Variants in UNC5D observed in about 807,000 individuals in gnomAD.
UNC5D encodes netrin receptor UNC5D.
In UNC5D, 39 loss-of-function variants were observed where a neutral mutation model predicts 105.4. The ratio of observed to expected loss-of-function variants is 0.37; its 90% confidence interval spans 0.29 to 0.48. UNC5D has a LOEUF of 0.48. UNC5D is among the 20% of genes least tolerant of loss of function. The probability of loss-of-function intolerance (pLI) is 0.98; values close to 1 mark genes in which losing one functional copy is unlikely to be tolerated. For missense variants in UNC5D, 991 were observed against 1,202.4 expected (o/e 0.82, Z 2.60); for synonymous variants, 452 against 450.4 (o/e 1.00, Z -0.04).
intron 4 of UNC5D, 108 bp downstream of exon 4, chr8:35,595,765 G>C (rs1819454149): frequency 7.6e-6 from 7 of 919,392 alleles, no homozygotes; most frequent in Non-Finnish European, 1.2e-5. Context: ...CCATGTCTGG[G>C]ATTCTTGTTG....
chr8:35,646,096 A>G (rs930542742), intron 4 of UNC5D, among the ~76,000 whole-genome samples: 12 of 152,154 alleles, frequency 7.9e-5, no homozygotes, highest in African/African-American at 2.7e-4. Flanking sequence ...CAATGTTTTT[A>G]TATAATGTAG....
At chr8:35,399,040 G>A (rs1182857717) in intron 1 of UNC5D, among the ~76,000 whole-genome samples, 3 of 150,884 alleles carry the variant, frequency 2.0e-5, no homozygotes, top group Admixed American at 2.0e-4. Flanking sequence ...AGCTACTTGG[G>A]AGGCTAAGGC....
At chr8:35,779,647 G>T (rs1802413564) in intron 16 of UNC5D, among the ~76,000 whole-genome samples, 1 of 152,056 alleles carries the variant, frequency 6.6e-6, no homozygotes, top group Non-Finnish European at 1.5e-5. Flanking sequence ...GCAGAGATGG[G>T]GTTTCACCAT....
intron 4 of UNC5D, among the ~76,000 whole-genome samples, chr8:35,611,744 A>G (rs574350537): frequency 2.4e-4 from 36 of 152,320 alleles, no homozygotes; most frequent in Non-Finnish European, 4.3e-4. Context: ...AGCAACTTTA[A>G]TGTTTGACCC....
At chr8:35,494,035 C>T (rs1485723269) in intron 1 of UNC5D, among the ~76,000 whole-genome samples, 2 of 152,148 alleles carry the variant, frequency 1.3e-5, no homozygotes, top group African/African-American at 2.4e-5. Flanking sequence ...CTATTTAATA[C>T]AGTAGATCCC....
At chr8:35,753,936 G>T (rs1182929461) in intron 13 of UNC5D, among the ~76,000 whole-genome samples, 2 of 152,178 alleles carry the variant, frequency 1.3e-5, no homozygotes, top group African/African-American at 2.4e-5. Flanking sequence ...TTGCTTTCTG[G>T]ATTTTTACTT....
At chr8:35,276,470 C>T (rs1367404089) in intron 1 of UNC5D, among the ~76,000 whole-genome samples, 1 of 152,178 alleles carries the variant, frequency 6.6e-6, no homozygotes, top group Admixed American at 6.5e-5. Context: ...GAGCATTTGT[C>T]AGTGTACTTC....
At chr8:35,364,607 C>A (rs991394378) in intron 1 of UNC5D, among the ~76,000 whole-genome samples, 2 of 152,068 alleles carry the variant, frequency 1.3e-5, no homozygotes, top group Non-Finnish European at 2.9e-5. Flanking sequence ...TGGTTTCAGG[C>A]CTTCTCAGTG....
intron 4 of UNC5D, among the ~76,000 whole-genome samples, chr8:35,611,979 T>C (rs1436651244): frequency 6.6e-6 from 1 of 152,230 alleles, no homozygotes; most frequent in Admixed American, 6.5e-5. Flanking sequence ...TCGCTGTTAA[T>C]ACAGCCTGTA....
chr8:35,787,808 A>G (rs1256338566), intron 16 of UNC5D, among the ~76,000 whole-genome samples: 1 of 152,082 alleles, frequency 6.6e-6, no homozygotes, highest in African/African-American at 2.4e-5. Context: ...TTGTGGAGAC[A>G]GAAGTCTTGC....
In UNC5D at chr8:35,793,137, C is replaced by T. The variant is rs1248418360; in HGVS notation, c.*2574C>T. ...TTTATGTTTCTTTTACTTATTGCTG[C>T]TAGGATCCTACATAGGATTTCTATA... On this transcript the variant is annotated 3_prime_UTR_variant, in exon 17 of 17. Transcript: ENST00000404895. 1 of 455,604 alleles carries T rather than the reference C, an allele frequency of 2.2e-6. No homozygotes were observed. The highest frequency in any genetic ancestry group is 7.0e-5 in the East Asian group (1 of 14,372). 28.2% of individuals were successfully genotyped at this position (455,604 alleles called of 1,614,324 possible).
rs112203823 is a variant in UNC5D at position 35,410,603 on chromosome 8, C to G, written c.104-138689C>G. Among the ~76,000 whole-genome samples the G allele has an allele frequency of 4.6e-5, 7 of 152,132 alleles. 1 individual carries two copies. Among genetic ancestry groups the G allele is most frequent in the African/African-American group, 1.7e-4 (7 of 41,532 alleles). On this transcript the variant is annotated intron_variant, in intron 1 of 16. Coordinates refer to ENST00000404895, the MANE Select transcript of UNC5D (RefSeq NM_080872.4). ...GTGATTATAAAATTTTATTTTTCAT[C>G]AGAGCACCGTTTTTCAAAAGAAATC...
chr8:35,741,645 T>C (rs1829769157), intron 11 of UNC5D, among the ~76,000 whole-genome samples: 1 of 152,176 alleles, frequency 6.6e-6, no homozygotes, highest in South Asian at 2.1e-4. Context: ...GGATTTTCCA[T>C]CATAGTAGCA....
chr8:35,759,281 T>C, intron 13 of UNC5D, 39 bp from the exon 14 acceptor site: 1 of 1,607,610 alleles, frequency 6.2e-7, no homozygotes, highest in South Asian at 1.1e-5. Flanking sequence ...TAGCAGGATA[T>C]TTCATTATTG....
chr8:35,383,121 G>C (rs576505018), intron 1 of UNC5D, among the ~76,000 whole-genome samples: 1 of 152,288 alleles, frequency 6.6e-6, no homozygotes, highest in East Asian at 1.9e-4. Context: ...TTCAATAAGA[G>C]GGTAATTTAC....
intron 4 of UNC5D, among the ~76,000 whole-genome samples, chr8:35,637,184 C>A (rs1412980620): frequency 6.6e-6 from 1 of 152,134 alleles, no homozygotes; most frequent in Non-Finnish European, 1.5e-5. Flanking sequence ...AGCCCATAAA[C>A]AGGTTTGTAC....
chr8:35,607,189 C>A (rs904840384), intron 4 of UNC5D, among the ~76,000 whole-genome samples: 1 of 152,184 alleles, frequency 6.6e-6, no homozygotes, highest in African/African-American at 2.4e-5. Context: ...TTTGGGAGAG[C>A]TGTGGAACGA....
At chr8:35,410,795 C>T (rs992447529) in intron 1 of UNC5D, among the ~76,000 whole-genome samples, 5 of 152,130 alleles carry the variant, frequency 3.3e-5, no homozygotes, top group Admixed American at 1.3e-4. Context: ...GATGTGGAAG[C>T]GTGGAGCCCC....
At chr8:35,482,531 G>A (rs547471026) in intron 1 of UNC5D, among the ~76,000 whole-genome samples, 41 of 152,112 alleles carry the variant, frequency 2.7e-4, no homozygotes, top group Middle Eastern at 3.4e-3. Flanking sequence ...CACAGTTGAC[G>A]AACCACTGAA....
Sources: allele counts gnomAD v4.1 joint callset (sites outside exome capture counted in the v4.1 genomes callset), GRCh38; gene constraint gnomAD v4.1.1; transcripts MANE v1.5; gene names NCBI Gene and HGNC (gene_info 2026-07-23, HGNC 2026-07-21).